FER1L5: variants seen among roughly 807,000 people sequenced by gnomAD.
FER1L5 encodes the protein fer-1-like protein 5.
FER1L5 carries 187 observed loss-of-function variants against 279.9 expected under a neutral mutation model. The observed-to-expected ratio is 0.67, with a 90% CI of 0.59 to 0.75. FER1L5 has a LOEUF of 0.75. Among genes scored for constraint, FER1L5 ranks in the 30% least tolerant of loss-of-function variants. The probability of loss-of-function intolerance (pLI) is 0.00; values close to 1 mark genes in which losing one functional copy is unlikely to be tolerated. For missense variants in FER1L5, 2,091 were observed against 2,594.4 expected (o/e 0.81, Z 4.21); for synonymous variants, 921 against 989.7 (o/e 0.93, Z 1.30).
chr2:96,650,557 C>T (rs1048825612), intron 6 of FER1L5, among the ~76,000 whole-genome samples: 5 of 152,162 alleles, frequency 3.3e-5, no homozygotes, highest in Admixed American at 2.6e-4. Context: ...GGGGAAGCAG[C>T]GCAGATGAGA....
At chr2:96,677,363 T>C (rs1160453449) in intron 19 of FER1L5, among the ~76,000 whole-genome samples, 1 of 152,238 alleles carries the variant, frequency 6.6e-6, no homozygotes, top group East Asian at 1.9e-4. Flanking sequence ...CCTGGATGTT[T>C]CATATAAATG....
intron 21 of FER1L5, 93 bp downstream of exon 21, chr2:96,685,522 C>G (rs866754198): frequency 6.6e-6 from 7 of 1,062,836 alleles, no homozygotes; most frequent in East Asian, 2.6e-5. Context: ...CACCTCCCCC[C>G]GCCCTCCTCG....
rs745867060 is a variant in FER1L5, at chr2:96,704,286, A to G, written c.5873A>G (p.Tyr1958Cys). The change falls in exon 52 of 53, where the codon TAT becomes TGT. Residue 1958 changes from tyrosine (Y) to cysteine (C), a missense_variant. Transcript: ENST00000624922. ...QNFCYIFWKR[Y>C]RFKLIAFMVI... Reference sequence around the variant, plus strand: ...TTCTGCTATATTTTCTGGAAACGCTATCGCTTCAAACTCATAGCCTTTATG... The same window carrying G: ...TTCTGCTATATTTTCTGGAAACGCTGTCGCTTCAAACTCATAGCCTTTATG... 1.2e-6 allele frequency: 2 copies of G among 1,613,918 alleles called. No individual in the cohort carries two copies. The highest frequency in any genetic ancestry group is 1.7e-5 in the Admixed American group (1 of 60,008).
intron 14 of FER1L5, among the ~76,000 whole-genome samples, chr2:96,667,905 G>A (rs1310466568): frequency 1.3e-5 from 2 of 152,112 alleles, no homozygotes; most frequent in Non-Finnish European, 2.9e-5. Context: ...CTGTCACCCA[G>A]GTTGGAGTGC....
At chr2:96,697,076 A>T (rs2077411240) in intron 37 of FER1L5, among the ~76,000 whole-genome samples, 1 of 152,238 alleles carries the variant, frequency 6.6e-6, no homozygotes, top group South Asian at 2.1e-4. Flanking sequence ...ATCTATCAGA[A>T]TTGCTGAGGT....
Position 96,642,937 on chromosome 2 carries a change from G to T in FER1L5, c.85+16G>T. On this transcript the variant is annotated intron_variant, in intron 1 of 52. Coordinates refer to ENST00000624922, the MANE Select transcript of FER1L5 (RefSeq NM_001293083.2). ...GACTTCAGAGGTGAGAGCCTCCCTGGGTCCACATGGGAGAGAGAAGCCCCC... is the reference window on the plus strand; with the variant it reads ...GACTTCAGAGGTGAGAGCCTCCCTGTGTCCACATGGGAGAGAGAAGCCCCC... 3 of 1,547,296 alleles carry T rather than the reference G, an allele frequency of 1.9e-6. No individual in the cohort carries two copies. Among genetic ancestry groups the T allele is most frequent in the Non-Finnish European group, 2.6e-6 (3 of 1,144,822 alleles).
chr2:96,666,836 G>C (rs1404360703), intron 14 of FER1L5, among the ~76,000 whole-genome samples: 1 of 151,902 alleles, frequency 6.6e-6, no homozygotes, highest in Non-Finnish European at 1.5e-5. Context: ...ATTTTTGGTA[G>C]AGATGGGGGT....
intron 19 of FER1L5, among the ~76,000 whole-genome samples, chr2:96,674,332 C>A (rs2076434008): frequency 6.6e-6 from 1 of 152,172 alleles, no homozygotes; most frequent in African/African-American, 2.4e-5. Flanking sequence ...AAGCGATTCT[C>A]CTGCCCCAGC....
At chr2:96,659,439 T>C (rs1414688173) in intron 9 of FER1L5, among the ~76,000 whole-genome samples, 3 of 26,076 alleles carry the variant, frequency 1.2e-4, no homozygotes, top group African/African-American at 2.4e-4. Flanking sequence ...CTTTCTTTCT[T>C]TCTTTCTTTC....
chr2:96,674,221 T>C (rs1469930052), intron 19 of FER1L5, among the ~76,000 whole-genome samples: 1 of 152,058 alleles, frequency 6.6e-6, no homozygotes, highest in Non-Finnish European at 1.5e-5. Flanking sequence ...TTTCTTCTGT[T>C]TTTTGTTTTG....
At chr2:96,692,072 G>GC in intron 30 of FER1L5, 32 bp from the exon 31 acceptor site, 1 of 1,551,184 alleles carries the variant, frequency 6.4e-7, no homozygotes, top group South Asian at 1.2e-5. Context: ...GGGTCCTGGG[G>GC]CAGGTGACAG....
rs1434859276 is a variant in FER1L5, at chr2:96,698,961, G to T, written c.4519-84G>T. On this transcript the variant is annotated intron_variant, in intron 41 of 52. Coordinates refer to ENST00000624922, the MANE Select transcript of FER1L5 (RefSeq NM_001293083.2). The surrounding 1 kb of genome is among the most constrained non-coding windows in gnomAD (Gnocchi z 5.5). ...AGGCTCCGTGTGGTGCGAGGGGCTT[G>T]TTTCCACCCTCCTCCCACCCTCCCT... The T allele has an allele frequency of 8.5e-6, 13 of 1,534,988 alleles. No homozygotes were observed. The highest frequency in any genetic ancestry group is 1.1e-5 in the Non-Finnish European group (13 of 1,131,974).
chr2:96,659,461 C>CTTTCTTTCT (rs1558855076), intron 9 of FER1L5, among the ~76,000 whole-genome samples: 2 of 25,908 alleles, frequency 7.7e-5, no homozygotes, highest in East Asian at 8.7e-4. Context: ...TTCTTTCTTT[C>CTTTCTTTCT]TTTCTTTCTT....
In FER1L5 at chr2:96,642,833, C is replaced by A; in HGVS notation, c.-4C>A. On this transcript the variant is annotated 5_prime_UTR_variant, in exon 1 of 53. Coordinates refer to ENST00000624922, the MANE Select transcript of FER1L5 (RefSeq NM_001293083.2). ...GGAAGGAGGGAAGAAAGTAGGTCTC[C>A]GAGATGCTGCGGCTTGTGGTGCAGT... The A allele has an allele frequency of 1.3e-6, 2 of 1,550,378 alleles. No homozygotes were observed. The highest frequency in any genetic ancestry group is 1.2e-5 in the South Asian group (1 of 83,868).
Position 96,673,064 on chromosome 2 carries a change from G to C in FER1L5, c.1492-13G>C. 1 of 1,550,254 alleles carries C rather than the reference G, an allele frequency of 6.5e-7. No individual in the cohort carries two copies. Among genetic ancestry groups the C allele is most frequent in the Non-Finnish European group, 8.7e-7 (1 of 1,146,272 alleles). On this transcript the variant is annotated splice_polypyrimidine_tract_variant and intron_variant, in intron 18 of 52. Transcript: ENST00000624922. ...GTACTGGGTATGGGGGGTGGGGGCG[G>C]TTATTGTTTCAGAAGCACCAGAACC...
intron 15 of FER1L5, 42 bp from the exon 16 acceptor site, chr2:96,668,844 G>T (rs1466521126): frequency 1.3e-6 from 2 of 1,551,658 alleles, no homozygotes; most frequent in East Asian, 2.4e-5. Flanking sequence ...AGAAATGAGA[G>T]CTGGGCCGGG....
intron 19 of FER1L5, among the ~76,000 whole-genome samples, chr2:96,678,421 G>GTGC: frequency 6.7e-6 from 1 of 148,264 alleles, no homozygotes; most frequent in East Asian, 2.0e-4. Context: ...GTGAGCCACT[G>GTGC]CACTCAGCCT....
rs2077357799 is a variant in FER1L5, at chr2:96,695,910, G to GC, written c.4057+9dup. ...TATGCACCCAAAGCTTCCAAGTACG[G>GC]CCCTTCCTCCGTGCCTTTCCCCAGG... On this transcript the variant is annotated splice_region_variant and intron_variant, in intron 36 of 52. Coordinates refer to ENST00000624922, the MANE Select transcript of FER1L5 (RefSeq NM_001293083.2). 1 of 1,612,974 alleles carries GC rather than the reference G, an allele frequency of 6.2e-7. No homozygotes were observed. Among genetic ancestry groups the GC allele is most frequent in the Non-Finnish European group, 8.5e-7 (1 of 1,179,630 alleles).
chr2:96,663,131 A>G (rs1460755444), intron 13 of FER1L5, among the ~76,000 whole-genome samples: 1 of 152,232 alleles, frequency 6.6e-6, no homozygotes, highest in Non-Finnish European at 1.5e-5. Context: ...TTATCTAGCA[A>G]AATATATGTC....
Sources: gnomAD v4.1 joint callset for allele counts (sites outside exome capture counted in the v4.1 genomes callset) on GRCh38, gnomAD v4.1.1 for gene constraint, Gnocchi (gnomAD v3.1) non-coding constraint, MANE v1.5 for transcripts, NCBI Gene and HGNC (gene_info 2026-07-23, HGNC 2026-07-21) for gene names.